Variants in MPC2 observed in about 807,000 individuals in gnomAD.
The protein encoded by MPC2 is mitochondrial pyruvate carrier 2.
A neutral mutation model predicts 19.2 loss-of-function variants in MPC2; 19 were observed. That is an observed-to-expected ratio of 0.99 (90% CI 0.69 to 1.45). The LOEUF (loss-of-function observed/expected upper bound fraction) is 1.45. MPC2 is among the 40% of genes most tolerant of loss of function. The pLI is 0.00. For missense variants in MPC2, 122 were observed against 153.0 expected (o/e 0.80, Z 1.07); for synonymous variants, 61 against 54.3 (o/e 1.12, Z -0.54).
intron 2 of MPC2, among the ~76,000 whole-genome samples, chr1:167,929,265 A>G (rs2102551220): frequency 6.6e-6 from 1 of 152,278 alleles, no homozygotes; most frequent in South Asian, 2.1e-4. Context: ...AGGTTGAGGC[A>G]GGGGAATCGC....
At chr1:167,927,829 G>A (rs923930687) in intron 2 of MPC2, among the ~76,000 whole-genome samples, 18 of 152,172 alleles carry the variant, frequency 1.2e-4, no homozygotes, top group African/African-American at 4.3e-4. Context: ...ATGGTTGCTA[G>A]AACCTGGACC....
At chr1:167,924,933 A>G (rs1008326672) in intron 2 of MPC2, among the ~76,000 whole-genome samples, 4 of 152,218 alleles carry the variant, frequency 2.6e-5, no homozygotes, top group African/African-American at 7.2e-5. Flanking sequence ...CTGAATTACT[A>G]TAACAAATAG....
At chr1:167,922,792 G>A (rs956235265) in intron 3 of MPC2, among the ~76,000 whole-genome samples, 1 of 152,098 alleles carries the variant, frequency 6.6e-6, no homozygotes, top group Non-Finnish European at 1.5e-5. Flanking sequence ...TTTCTGAATT[G>A]TTCTAACCAT....
chr1:167,932,826 A>G (rs1187676462), intron 2 of MPC2, among the ~76,000 whole-genome samples: 2 of 151,054 alleles, frequency 1.3e-5, no homozygotes, highest in Admixed American at 6.6e-5. Flanking sequence ...AAAAAAAAAA[A>G]AGAAAAGAAA....
intron 3 of MPC2, among the ~76,000 whole-genome samples, chr1:167,923,552 T>C (rs373187930): frequency 5.3e-5 from 8 of 151,848 alleles, no homozygotes; most frequent in African/African-American, 1.5e-4. Context: ...AGAAGGAGAA[T>C]GGGGAATTAT....
rs919246864 is a variant in MPC2, at chr1:167,918,105, T to C, written c.*218A>G. 1 of 436,978 alleles carries C rather than the reference T, an allele frequency of 2.3e-6. No individual in the cohort carries two copies. The highest frequency in any genetic ancestry group is 2.0e-5 in the African/African-American group (1 of 49,224). The allele number at this position is 436,978 out of a possible 1,614,324, so 27.1% of individuals were successfully genotyped here. A position where few individuals can be genotyped will look rare whatever the true frequency, so the allele number is the denominator to read the frequency against. ...AGTATGGTTTATTACGGACAAATGG[T>C]AGAAAAATGTTACTAATATCCATAG... On this transcript the variant is annotated 3_prime_UTR_variant, in exon 6 of 6. Coordinates refer to ENST00000271373, the MANE Select transcript of MPC2 (RefSeq NM_001143674.4).
At chr1:167,926,658 G>T (rs1670764508) in intron 2 of MPC2, among the ~76,000 whole-genome samples, 1 of 152,212 alleles carries the variant, frequency 6.6e-6, no homozygotes, top group Non-Finnish European at 1.5e-5. Flanking sequence ...CGTCTAGTGG[G>T]TAGAGGCCTG....
intron 2 of MPC2, among the ~76,000 whole-genome samples, chr1:167,925,442 C>CGTATATATATATCT (rs1553200802): frequency 2.4e-5 from 2 of 82,478 alleles, no homozygotes; most frequent in Admixed American, 1.3e-4. Context: ...TACATATACA[C>CGTATATATATATCT]ATATATATAT....
rs979625852 is a variant in MPC2, at chr1:167,923,636, C to T, written c.150+861G>A. On this transcript the variant is annotated intron_variant, in intron 3 of 5. Coordinates refer to ENST00000271373, the MANE Select transcript of MPC2 (RefSeq NM_001143674.4). ...TTAACAATGATGTAAATGTACTTAA[C>T]GCTACTGAACTGTACACTTTGAAAA... 7.3e-5 allele frequency among the ~76,000 whole-genome samples: 11 copies of T among 151,706 alleles called. No homozygotes were observed. The South Asian group carries it at 1.0e-3, about 14-fold the overall frequency.
chr1:167,928,556 C>G (rs1352178057), intron 2 of MPC2, among the ~76,000 whole-genome samples: 1 of 152,086 alleles, frequency 6.6e-6, no homozygotes, highest in Non-Finnish European at 1.5e-5. Context: ...AAAAAACATT[C>G]CAACTTACTT....
At chr1:167,921,372 C>A (rs1334414068) in intron 3 of MPC2, among the ~76,000 whole-genome samples, 3 of 152,030 alleles carry the variant, frequency 2.0e-5, no homozygotes, top group African/African-American at 4.8e-5. Context: ...CAGGCGTGTG[C>A]CAATATGCCT....
chr1:167,924,349 G>T, intron 3 of MPC2, 148 bp downstream of exon 3: 1 of 567,148 alleles, frequency 1.8e-6, no homozygotes, highest in Non-Finnish European at 2.9e-6. Context: ...TGTAGAAAAC[G>T]ATATGTCTGA....
At chr1:167,924,338 A>G (rs1473266027) in intron 3 of MPC2, 159 bp downstream of exon 3, 2 of 527,644 alleles carry the variant, frequency 3.8e-6, no homozygotes, top group African/African-American at 4.0e-5. Context: ...TAGTTGCTTT[A>G]TGTAGAAAAC....
chr1:167,920,497 A>G lies in MPC2; in HGVS notation c.235+50T>C, dbSNP rs203860. The G allele has an allele frequency of 6.9e-5, 109 of 1,580,802 alleles. No individual in the cohort carries two copies. In the African/African-American group the frequency reaches 1.3e-3, roughly 19 times the overall value. On this transcript the variant is annotated intron_variant, in intron 4 of 5. Coordinates refer to ENST00000271373, the MANE Select transcript of MPC2 (RefSeq NM_001143674.4). ...AAATAAACTGATATAAAAGAAAACA[A>G]AAATCATTTATGTTCTACAAGAAAC...
At chr1:167,935,299 G>A (rs1001100366) in intron 2 of MPC2, among the ~76,000 whole-genome samples, 3 of 152,228 alleles carry the variant, frequency 2.0e-5, no homozygotes, top group African/African-American at 7.2e-5. Context: ...AGCAGCAGCT[G>A]AAGAAAGTGA....
intron 2 of MPC2, among the ~76,000 whole-genome samples, chr1:167,933,445 G>C (rs1670970812): frequency 6.6e-6 from 1 of 152,130 alleles, no homozygotes; most frequent in South Asian, 2.1e-4. Context: ...GGGATTACAG[G>C]TGTGAGCCAC....
chr1:167,929,331 C>T lies in MPC2; in HGVS notation c.110-4794G>A, dbSNP rs187004403. On this transcript the variant is annotated intron_variant, in intron 2 of 5. Transcript: ENST00000271373. Reference sequence around the variant, plus strand: ...CCGAGATTGCACCATTGCACTCCAGCCTGGGCAATAAGAGCGAAACTCCGT... The same window carrying T: ...CCGAGATTGCACCATTGCACTCCAGTCTGGGCAATAAGAGCGAAACTCCGT... Among the ~76,000 whole-genome samples, 130 of 152,034 alleles carry T rather than the reference C, an allele frequency of 8.6e-4. 1 individual carries two copies. The East Asian group carries it at 0.019, about 23-fold the overall frequency.
intron 2 of MPC2, among the ~76,000 whole-genome samples, chr1:167,929,882 T>A (rs2102552715): frequency 6.6e-6 from 1 of 152,328 alleles, no homozygotes; most frequent in Non-Finnish European, 1.5e-5. Context: ...TTTCCCTACC[T>A]CTTCCCATCC....
chr1:167,919,662 AAG>A (rs1353841534), intron 5 of MPC2, among the ~76,000 whole-genome samples: 4 of 152,182 alleles, frequency 2.6e-5, no homozygotes, highest in South Asian at 2.1e-4. Context: ...GTCTTAATAA[AAG>A]AGATTATGTG....
Sources: gnomAD v4.1 joint callset for allele counts (sites outside exome capture counted in the v4.1 genomes callset) on GRCh38, gnomAD v4.1.1 for gene constraint, MANE v1.5 for transcripts, NCBI Gene and HGNC (gene_info 2026-07-23, HGNC 2026-07-21) for gene names.